The following ZNF786 variants were observed in gnomAD, a reference collection of about 807,000 sequenced individuals.
The protein encoded by ZNF786 is zinc finger protein 786.
A neutral mutation model predicts 63.1 loss-of-function variants in ZNF786; 56 were observed. That is an observed-to-expected ratio of 0.89 (90% confidence interval 0.72 to 1.11). The LOEUF (loss-of-function observed/expected upper bound fraction) is 1.11. Ranked by LOEUF, ZNF786 falls within the 50% of genes least tolerant of loss-of-function variation. ZNF786 has a pLI of 0.00. For missense variants in ZNF786, 1,213 were observed against 1,041.8 expected (o/e 1.16, Z -2.26); for synonymous variants, 485 against 406.9 (o/e 1.19, Z -2.31).
intron 1 of ZNF786, among the ~76,000 whole-genome samples, 176 bp downstream of exon 1, chr7:149,090,447 G>A (rs1825812083): frequency 1.3e-5 from 2 of 152,198 alleles, no homozygotes; most frequent in Non-Finnish European, 2.9e-5. Context: ...CGGGAGCGGA[G>A]GCCACCTGCT....
intron 2 of ZNF786, among the ~76,000 whole-genome samples, chr7:149,075,394 T>C (rs560194073): frequency 6.6e-6 from 1 of 151,002 alleles, no homozygotes; most frequent in South Asian, 2.1e-4. Flanking sequence ...AGGCAAGAGC[T>C]ACCACACTGG....
At chr7:149,074,226 T>C (rs1007523380) in intron 3 of ZNF786, among the ~76,000 whole-genome samples, 160 bp downstream of exon 3, 3 of 152,070 alleles carry the variant, frequency 2.0e-5, no homozygotes, top group African/African-American at 4.8e-5. Flanking sequence ...AGACACAGAC[T>C]CTAGAACCCA....
intron 2 of ZNF786, among the ~76,000 whole-genome samples, chr7:149,077,350 A>G (rs1440817880): frequency 6.6e-6 from 1 of 152,184 alleles, no homozygotes; most frequent in Non-Finnish European, 1.5e-5. Flanking sequence ...ATGGGTGGCC[A>G]GGCGTGGTGA....
chr7:149,071,620 GA>G lies in ZNF786; in HGVS notation c.1151del (p.Leu384ProfsTer105). 1 of 1,589,778 alleles carries G rather than the reference GA, an allele frequency of 6.3e-7. No homozygotes were observed. Among genetic ancestry groups the G allele is most frequent in the African/African-American group, 1.3e-5 (1 of 74,686 alleles). On this transcript the variant is annotated frameshift_variant, in exon 4 of 4. Transcript: ENST00000491431. LOFTEE classifies it high-confidence loss of function. ...CAGTATGCGCCCTGCAGGGGCTGGC[GA>G]GCCTGGCGCTCATAGGGGAGCGCTC... is the stretch of plus-strand genomic sequence containing the variant. The part of the protein sequence containing the change: ...CGERSPMSAR[L>X]ASPCRAHTGE...
Position 149,070,919 on chromosome 7 carries a change from T to C in ZNF786, c.1853A>G (p.Glu618Gly). 6.2e-7 allele frequency: 1 copy of C among 1,613,648 alleles called. No homozygotes were observed. Among genetic ancestry groups the C allele is most frequent in the Non-Finnish European group, 8.5e-7 (1 of 1,179,964 alleles). ...GCACTCCGGACACTGGAAGGGCCTC[T>C]CTCCCGTGTGCAGGCGCTGATGGCT... Reference protein sequence around the residue: ...LLSHQRLHTGERPFQCPECDK... With the variant: ...LLSHQRLHTGGRPFQCPECDK... The change falls in exon 4 of 4, where the codon GAG (glutamate) becomes GGG (glycine). Residue 618 changes from glutamate (E) to glycine (G), a missense_variant. Transcript: ENST00000491431.
intron 1 of ZNF786, among the ~76,000 whole-genome samples, chr7:149,087,352 T>C (rs970987159): frequency 2.6e-5 from 4 of 152,224 alleles, no homozygotes. Context: ...ATTCTGTCTA[T>C]AAGAAACACT....
At chr7:149,074,937 C>G (rs894183069) in intron 2 of ZNF786, among the ~76,000 whole-genome samples, 1 of 151,676 alleles carries the variant, frequency 6.6e-6, no homozygotes, top group Non-Finnish European at 1.5e-5. Flanking sequence ...GCTTCCTGGG[C>G]TCAGGTAATT....
At chr7:149,073,048 C>CT (rs1342992975) in intron 3 of ZNF786, among the ~76,000 whole-genome samples, 1 of 152,212 alleles carries the variant, frequency 6.6e-6, no homozygotes. Context: ...CATCCTGTCT[C>CT]TAAGACCTGG....
At chr7:149,087,728 C>T (rs1455133970) in intron 1 of ZNF786, among the ~76,000 whole-genome samples, 1 of 152,074 alleles carries the variant, frequency 6.6e-6, no homozygotes, top group Admixed American at 6.6e-5. Flanking sequence ...CACCACTTCA[C>T]AATAGCTCAC....
intron 2 of ZNF786, among the ~76,000 whole-genome samples, chr7:149,079,480 A>C (rs1489962195): frequency 2.0e-5 from 3 of 152,130 alleles, no homozygotes; most frequent in Non-Finnish European, 4.4e-5. Flanking sequence ...TGATTTTTTA[A>C]AAATGATATT....
rs1362590012 is a variant in ZNF786 at position 149,073,735 on chromosome 7, GTGTGTGTGTGTGTATA to G, written c.298+635_298+650del. Among the ~76,000 whole-genome samples the G allele has an allele frequency of 3.0e-3, 202 of 66,500 alleles. 1 individual carries two copies. The highest frequency in any genetic ancestry group is 0.012 in the African/African-American group (193 of 15,652). 43.6% of individuals were successfully genotyped at this position (66,500 alleles called of 152,430 possible). The stretch of plus-strand genomic sequence containing the variant: ...TGTGTATATGTGTGCGTGTGTGTGT[GTGTGTGTGTGTGTATA>G]TATATATATATATATATATATATAT... On this transcript the variant is annotated intron_variant, in intron 3 of 3. Coordinates refer to ENST00000491431, the MANE Select transcript of ZNF786 (RefSeq NM_152411.4).
intron 3 of ZNF786, among the ~76,000 whole-genome samples, chr7:149,073,717 A>ATGTGTGTGTGTG: frequency 1.1e-5 from 1 of 88,268 alleles, no homozygotes; most frequent in South Asian, 5.5e-4. Context: ...GTGTGTGTAT[A>ATGTGTGTGTGTG]TGTGTGCGTG....
chr7:149,079,786 T>C (rs1454967510), intron 2 of ZNF786, among the ~76,000 whole-genome samples: 1 of 146,878 alleles, frequency 6.8e-6, no homozygotes, highest in Non-Finnish European at 1.5e-5. Context: ...GGCCAGGATG[T>C]TCTTGATCTC....
At chr7:149,081,220 G>A (rs1052163270) in intron 1 of ZNF786, 5 of 452,536 alleles carry the variant, frequency 1.1e-5, no homozygotes, top group African/African-American at 4.0e-5. Context: ...GGCAGATCAC[G>A]AGGTCAGGAG....
At chr7:149,081,459 A>G (rs1485375470) in intron 1 of ZNF786, among the ~76,000 whole-genome samples, 1 of 150,688 alleles carries the variant, frequency 6.6e-6, no homozygotes, top group African/African-American at 2.4e-5. Flanking sequence ...AAAAAAAAAA[A>G]AAAAGTGTTC....
chr7:149,073,779 A>G lies in ZNF786; in HGVS notation c.298+607T>C, dbSNP rs1483445963. Reference sequence around the variant, plus strand: ...TATATATATATATATATATATATATATGTATATATATATAGTTTTTTTTTT... The same window carrying G: ...TATATATATATATATATATATATATGTGTATATATATATAGTTTTTTTTTT... On this transcript the variant is annotated intron_variant, in intron 3 of 3. Transcript: ENST00000491431. Among the ~76,000 whole-genome samples the G allele has an allele frequency of 1.3e-3, 111 of 84,140 alleles. 6 individuals carry two copies. The highest frequency in any genetic ancestry group is 2.0e-3 in the Admixed American group (12 of 6,066). The allele number at this position is 84,140 out of a possible 152,430, so 55.2% of individuals were successfully genotyped here. A position where few individuals can be genotyped will look rare whatever the true frequency, so the allele number is the denominator to read the frequency against.
intron 2 of ZNF786, among the ~76,000 whole-genome samples, chr7:149,078,696 A>AT (rs61215408): frequency 2.0e-5 from 3 of 152,122 alleles, no homozygotes; most frequent in Non-Finnish European, 4.4e-5. Flanking sequence ...AAAAAAAAAA[A>AT]GTTAACTATG....
Position 149,071,435 on chromosome 7 carries a change from A to G in ZNF786, c.1337T>C (p.Val446Ala), listed in dbSNP as rs1232558872. 6.2e-7 allele frequency: 1 copy of G among 1,611,884 alleles called. No individual in the cohort carries two copies. The highest frequency in any genetic ancestry group is 1.1e-5 in the South Asian group (1 of 91,040). Residue 446 changes from valine to alanine, a missense_variant, in exon 4 of 4, where the codon GTC (valine) becomes GCC (alanine). Coordinates refer to ENST00000491431, the MANE Select transcript of ZNF786 (RefSeq NM_152411.4). ...CCGGAAAGGCTTCTCTCCGCTGTGG[A>G]CTCGAATGTGCTCCGTGAGTTTACA... ...KQCKLTEHIR[V>A]HSGEKPFRCA...
Position 149,069,840 on chromosome 7 carries a change from TC to T in ZNF786, c.*582del, listed in dbSNP as rs1269197429. ...GGTTTTGCCATGTTGCCCAAGCTGG[TC>T]TCAAACTCCTTGGCTCGTGATCCTC... On this transcript the variant is annotated 3_prime_UTR_variant, in exon 4 of 4. Coordinates refer to ENST00000491431, the MANE Select transcript of ZNF786 (RefSeq NM_152411.4). 1 of 152,650 alleles carries T rather than the reference TC, an allele frequency of 6.6e-6. No individual in the cohort carries two copies. Among genetic ancestry groups the T allele is most frequent in the African/African-American group, 2.4e-5 (1 of 41,248 alleles). 9.5% of individuals were successfully genotyped at this position (152,650 alleles called of 1,614,324 possible).
Sources: allele counts gnomAD v4.1 joint callset (sites outside exome capture counted in the v4.1 genomes callset), GRCh38; gene constraint gnomAD v4.1.1; transcripts MANE v1.5; gene names NCBI Gene and HGNC (gene_info 2026-07-23, HGNC 2026-07-21).